The following PRSS23 variants were observed in gnomAD, a reference collection of about 807,000 sequenced individuals.
PRSS23 encodes the protein protease, serine 23.
PRSS23 carries 25 observed loss-of-function variants against 34.7 expected under a neutral mutation model. The observed-to-expected ratio is 0.72, with a 90% CI of 0.53 to 1.01. The LOEUF (loss-of-function observed/expected upper bound fraction) is 1.01. PRSS23 is among the 50% of genes least tolerant of loss of function. PRSS23 has a pLI of 0.00. For synonymous variants in PRSS23, 176 were observed against 186.6 expected, an observed-to-expected ratio of 0.94 and a Z score of 0.46; for missense variants, 445 against 475.6, an observed-to-expected ratio of 0.94 and a Z score of 0.60.
chr11:86,837,500 G>C (rs1037840366), intron 2 of PRSS23: 3 of 152,238 alleles, frequency 2.0e-5, no homozygotes, highest in Non-Finnish European at 2.9e-5. Flanking sequence ...CAGACACAGT[G>C]GCTCACACCT....
chr11:86,837,150 T>C (rs561458800), intron 2 of PRSS23: 1 of 152,352 alleles, frequency 6.6e-6, no homozygotes. Flanking sequence ...AAATATGTAA[T>C]AAAATCATTC....
chr11:86,930,435 G>C (rs1158251550), intron 2 of PRSS23, among the ~76,000 whole-genome samples: 1 of 152,178 alleles, frequency 6.6e-6, no homozygotes, highest in Non-Finnish European at 1.5e-5. Flanking sequence ...GAAATTCCCT[G>C]ATGAAGCTGC....
At chr11:86,829,582 AG>A (rs1948333659) in intron 2 of PRSS23, among the ~76,000 whole-genome samples, 2 of 151,972 alleles carry the variant, frequency 1.3e-5, no homozygotes, top group East Asian at 3.9e-4. Context: ...TAGAGTTTCC[AG>A]TTTTTCTGCT....
chr11:86,876,742 AAC>A (rs1405950066), intron 2 of PRSS23, among the ~76,000 whole-genome samples: 3 of 142,508 alleles, frequency 2.1e-5, no homozygotes, highest in African/African-American at 8.0e-5. Flanking sequence ...TAAAAAAAAA[AAC>A]GAAGCAATTT....
chr11:86,852,783 C>T (rs2134920667), intron 2 of PRSS23, among the ~76,000 whole-genome samples: 1 of 152,280 alleles, frequency 6.6e-6, no homozygotes, highest in South Asian at 2.1e-4. Flanking sequence ...GGCCACCATT[C>T]TATTTTGCAA....
At chr11:86,797,590 C>G (rs1947989501), upstream of PRSS23, among the ~76,000 whole-genome samples, 1 of 152,136 alleles carries the variant, frequency 6.6e-6, no homozygotes, top group Non-Finnish European at 1.5e-5. Context: ...CTCAGTTTTT[C>G]TCTCTGAGTG....
intron 1 of PRSS23, among the ~76,000 whole-genome samples, chr11:86,805,410 G>A (rs1392998423): frequency 6.6e-6 from 1 of 152,146 alleles, no homozygotes; most frequent in Non-Finnish European, 1.5e-5. Flanking sequence ...AAAACCTTTA[G>A]TCTTGGCAAT....
intron 2 of PRSS23, among the ~76,000 whole-genome samples, chr11:86,872,309 C>A (rs1056541856): frequency 6.6e-6 from 1 of 152,068 alleles, no homozygotes; most frequent in Non-Finnish European, 1.5e-5. Context: ...AATACAGAAA[C>A]TATTTTCCAA....
At chr11:86,921,780 T>C (rs1488648760) in intron 2 of PRSS23, 1 of 152,244 alleles carries the variant, frequency 6.6e-6, no homozygotes, top group Non-Finnish European at 1.5e-5. Context: ...TGTTACAGCT[T>C]AGTGGATATT....
At chr11:86,872,189 A>G (rs1948689575) in intron 2 of PRSS23, among the ~76,000 whole-genome samples, 1 of 152,240 alleles carries the variant, frequency 6.6e-6, no homozygotes, top group Non-Finnish European at 1.5e-5. Flanking sequence ...AGTATCTAGC[A>G]AGATAATGGA....
intron 2 of PRSS23, among the ~76,000 whole-genome samples, chr11:86,839,461 C>A (rs1948431359): frequency 6.6e-6 from 1 of 152,086 alleles, no homozygotes; most frequent in Non-Finnish European, 1.5e-5. Context: ...GTGAAAAGAC[C>A]AAATCTATGT....
At chr11:86,831,530 C>G (rs181558843) in intron 2 of PRSS23, among the ~76,000 whole-genome samples, 2 of 151,844 alleles carry the variant, frequency 1.3e-5, no homozygotes, top group Non-Finnish European at 2.9e-5. Context: ...TTCGTAATAG[C>G]CTATAGAAAT....
intron 2 of PRSS23, chr11:86,935,716 G>T (rs1949157199): frequency 6.6e-6 from 1 of 152,080 alleles, no homozygotes; most frequent in Non-Finnish European, 1.5e-5. Context: ...CTGAAGCCCA[G>T]AGAGGTTAAG....
chr11:86,943,572 C>A (rs970749112), intron 2 of PRSS23, among the ~76,000 whole-genome samples: 1 of 151,458 alleles, frequency 6.6e-6, no homozygotes, highest in Admixed American at 6.6e-5. Flanking sequence ...TGCAGTGAGC[C>A]GAGATCAAGT....
intron 2 of PRSS23, among the ~76,000 whole-genome samples, chr11:86,862,658 G>A (rs1948624102): frequency 6.6e-6 from 1 of 151,106 alleles, no homozygotes; most frequent in African/African-American, 2.4e-5. Context: ...AATGACACAG[G>A]GGGTGTACAC....
chr11:86,844,102 A>T (rs759490667), intron 2 of PRSS23, among the ~76,000 whole-genome samples: 2 of 152,234 alleles, frequency 1.3e-5, no homozygotes, highest in Non-Finnish European at 2.9e-5. Context: ...GGATGAGTTC[A>T]TGTCCTTTGC....
chr11:86,933,904 T>C (rs896880308), intron 2 of PRSS23: 1 of 152,184 alleles, frequency 6.6e-6, no homozygotes. Flanking sequence ...GACGAGATCA[T>C]TGGATTATAT....
intron 2 of PRSS23, among the ~76,000 whole-genome samples, chr11:86,894,597 G>C (rs1364354440): frequency 6.6e-6 from 1 of 152,020 alleles, no homozygotes; most frequent in Admixed American, 6.5e-5. Flanking sequence ...CCATTTCTAG[G>C]GTGACACCTT....
At chr11:86,905,459 CTGT>C (rs1223342505) in intron 2 of PRSS23, among the ~76,000 whole-genome samples, 1 of 152,134 alleles carries the variant, frequency 6.6e-6, no homozygotes, top group Non-Finnish European at 1.5e-5. Context: ...ATATATGAAT[CTGT>C]TATTTCCCGC....
Sources: allele counts gnomAD v4.1 joint callset (sites outside exome capture counted in the v4.1 genomes callset), GRCh38; gene constraint gnomAD v4.1.1; transcripts MANE v1.5; gene names NCBI Gene and HGNC (gene_info 2026-07-23, HGNC 2026-07-21).